SORCS2: variants seen among roughly 807,000 people sequenced by gnomAD.
The protein encoded by SORCS2 is VPS10 domain-containing receptor SorCS2.
In SORCS2, 100 loss-of-function variants were observed where a neutral mutation model predicts 141.6. The ratio of observed to expected loss-of-function variants is 0.71; its 90% CI spans 0.60 to 0.83. The LOEUF is 0.83. Ranked by LOEUF, SORCS2 falls within the 40% of genes least tolerant of loss-of-function variation. The probability of loss-of-function intolerance (pLI) is 0.00; values close to 1 mark genes in which losing one functional copy is unlikely to be tolerated. For synonymous variants in SORCS2, 789 were observed against 676.9 expected, an observed-to-expected ratio of 1.17 and a Z score of -2.57; for missense variants, 1,646 against 1,560.2, an observed-to-expected ratio of 1.05 and a Z score of -0.93.
chr4:7,226,224 G>C (rs539757226), intron 1 of SORCS2, among the ~76,000 whole-genome samples: 1 of 152,262 alleles, frequency 6.6e-6, no homozygotes, highest in Admixed American at 6.5e-5. Flanking sequence ...TCTGCTCCCA[G>C]ACCTGGGAGG....
intron 2 of SORCS2, chr4:7,434,988 G>A (rs1727200687): frequency 7.4e-6 from 10 of 1,347,922 alleles, no homozygotes; most frequent in Non-Finnish European, 9.9e-6. Context: ...CCCACCTCCT[G>A]GCCACTCCCA....
chr4:7,274,692 T>G (rs1214379559), intron 1 of SORCS2, among the ~76,000 whole-genome samples: 2 of 152,144 alleles, frequency 1.3e-5, no homozygotes, highest in Admixed American at 6.5e-5. Context: ...CAGCATGAGA[T>G]TTGGGTGGGG....
chr4:7,259,525 C>T (rs1397739974), intron 1 of SORCS2, among the ~76,000 whole-genome samples: 1 of 152,246 alleles, frequency 6.6e-6, no homozygotes, highest in Non-Finnish European at 1.5e-5. Flanking sequence ...GGAACAGGAG[C>T]TGTCCCTGAC....
intron 2 of SORCS2, among the ~76,000 whole-genome samples, chr4:7,430,033 C>T (rs1269370258): frequency 6.6e-6 from 1 of 152,110 alleles, no homozygotes; most frequent in Non-Finnish European, 1.5e-5. Context: ...CTCGGGTGTG[C>T]TGGGGAAGCT....
chr4:7,259,315 C>A (rs1270971499), intron 1 of SORCS2, among the ~76,000 whole-genome samples: 1 of 152,166 alleles, frequency 6.6e-6, no homozygotes, highest in Non-Finnish European at 1.5e-5. Flanking sequence ...CCGCAGAGTT[C>A]AATTCCATGA....
intron 3 of SORCS2, among the ~76,000 whole-genome samples, chr4:7,632,611 G>A (rs1560441212): frequency 6.6e-6 from 1 of 152,190 alleles, no homozygotes; most frequent in East Asian, 1.9e-4. Context: ...GTCACCACCT[G>A]CAAAGCCCAG....
chr4:7,680,896 A>G (rs1230683967), intron 9 of SORCS2, among the ~76,000 whole-genome samples: 1 of 152,218 alleles, frequency 6.6e-6, no homozygotes, highest in Non-Finnish European at 1.5e-5. Context: ...CTGTACCACC[A>G]TGTGCCTGTC....
At chr4:7,589,002 G>A (rs1369749346) in intron 3 of SORCS2, among the ~76,000 whole-genome samples, 1 of 152,224 alleles carries the variant, frequency 6.6e-6, no homozygotes, top group Non-Finnish European at 1.5e-5. Context: ...CCAGGGAACA[G>A]CATGTGCAGA....
At chr4:7,352,559 GC>G (rs1259207909) in intron 1 of SORCS2, among the ~76,000 whole-genome samples, 1 of 152,230 alleles carries the variant, frequency 6.6e-6, no homozygotes, top group Non-Finnish European at 1.5e-5. Flanking sequence ...AAGCCAGTGG[GC>G]TGAGCTCTTA....
chr4:7,445,609 G>T (rs1004709693), intron 2 of SORCS2, among the ~76,000 whole-genome samples: 1 of 152,162 alleles, frequency 6.6e-6, no homozygotes, highest in African/African-American at 2.4e-5. Context: ...AGAACAGGGC[G>T]GGATGGAGGC....
chr4:7,213,359 G>A (rs898219291), intron 1 of SORCS2, among the ~76,000 whole-genome samples: 5 of 152,146 alleles, frequency 3.3e-5, no homozygotes, highest in Admixed American at 2.0e-4. Context: ...GGACCTTTGT[G>A]TCCAGGGCAT....
At chr4:7,686,478 C>A (rs1428545818) in intron 10 of SORCS2, among the ~76,000 whole-genome samples, 1 of 152,172 alleles carries the variant, frequency 6.6e-6, no homozygotes, top group African/African-American at 2.4e-5. Flanking sequence ...CAGTGTGAGT[C>A]CCCAGCTTGG....
intron 1 of SORCS2, among the ~76,000 whole-genome samples, chr4:7,359,076 A>C (rs1020945605): frequency 1.3e-5 from 2 of 152,258 alleles, no homozygotes; most frequent in African/African-American, 4.8e-5. Context: ...CAGGGGGATC[A>C]TCTGAGGTTA....
intron 2 of SORCS2, among the ~76,000 whole-genome samples, chr4:7,512,945 ACCTC>A (rs1242581934): frequency 2.0e-5 from 3 of 151,052 alleles, no homozygotes; most frequent in Non-Finnish European, 4.4e-5. Flanking sequence ...ACATTTTCAC[ACCTC>A]CCTCCAGGCC....
chr4:7,433,833 C>G (rs755875097), intron 2 of SORCS2: 1 of 1,613,810 alleles, frequency 6.2e-7, no homozygotes, highest in Non-Finnish European at 8.5e-7. Flanking sequence ...TGGCCACAAG[C>G]TGCACCAAGG....
rs1726973724 is a variant in SORCS2, at chr4:7,193,474, C to A, written c.480+348C>A. ...CTGCAGGTCCTTGAGGGTACCCCAG[C>A]TCGGCGTTACCTCCCCTGCCCCCAG... On this transcript the variant is annotated intron_variant, in intron 1 of 26. Coordinates refer to ENST00000507866, the MANE Select transcript of SORCS2 (RefSeq NM_020777.3). The surrounding 1 kb of genome is among the most constrained non-coding windows in gnomAD (Gnocchi z 4.8). Among the ~76,000 whole-genome samples, 1 of 152,164 alleles carries A rather than the reference C, an allele frequency of 6.6e-6. No individual in the cohort carries two copies. Among genetic ancestry groups the A allele is most frequent in the Non-Finnish European group, 1.5e-5 (1 of 68,036 alleles).
intron 1 of SORCS2, among the ~76,000 whole-genome samples, chr4:7,247,936 G>A (rs764003611): frequency 6.6e-6 from 1 of 152,202 alleles, no homozygotes; most frequent in Non-Finnish European, 1.5e-5. Context: ...TGTCAGCAAC[G>A]GGATCCCCCC....
At chr4:7,462,669 C>T (rs913954981) in intron 2 of SORCS2, among the ~76,000 whole-genome samples, 4 of 151,786 alleles carry the variant, frequency 2.6e-5, no homozygotes, top group South Asian at 2.1e-4. Context: ...TTCATCCTGG[C>T]GACCTCAGTC....
intron 2 of SORCS2, among the ~76,000 whole-genome samples, chr4:7,462,769 A>G (rs1052517737): frequency 4.0e-5 from 6 of 151,408 alleles, no homozygotes; most frequent in African/African-American, 1.5e-4. Context: ...AAGCCGGTGC[A>G]CACTTGCAGA....
Sources: allele counts gnomAD v4.1 joint callset (sites outside exome capture counted in the v4.1 genomes callset), GRCh38; gene constraint gnomAD v4.1.1; non-coding constraint Gnocchi (gnomAD v3.1); transcripts MANE v1.5; gene names NCBI Gene and HGNC (gene_info 2026-07-23, HGNC 2026-07-21).